GRIA4: variants seen among roughly 807,000 people sequenced by gnomAD.
The protein encoded by GRIA4 is glutamate receptor 4.
A neutral mutation model predicts 104.0 loss-of-function variants in GRIA4; 34 were observed. That is an observed-to-expected ratio of 0.33 (90% CI 0.25 to 0.44). GRIA4 has a LOEUF of 0.44. Among genes scored for constraint, GRIA4 ranks in the 20% least tolerant of loss-of-function variants. GRIA4 has a pLI of 1.00. For synonymous variants in GRIA4, 386 were observed against 381.9 expected (o/e 1.01, Z -0.13); for missense variants, 750 against 1,096.5 (o/e 0.68, Z 4.46).
intron 3 of GRIA4, among the ~76,000 whole-genome samples, chr11:105,691,280 C>G (rs767822943): frequency 5.9e-5 from 9 of 151,920 alleles, no homozygotes; most frequent in Non-Finnish European, 1.2e-4. Context: ...ATCAGAGTGA[C>G]AAGACTGAAC....
chr11:105,926,729 A>T lies in GRIA4; in HGVS notation c.1848-12A>T, dbSNP rs1947718831. 1.2e-5 allele frequency: 19 copies of T among 1,541,842 alleles called. No homozygotes were observed. Among genetic ancestry groups the T allele is most frequent in the Non-Finnish European group, 1.7e-5 (19 of 1,114,854 alleles). ...AAGAAAGGAAAATGTGCATTATTTTATCCATGTTTAGATCCCTCTCAGGTC... is the reference window on the plus strand; with the variant it reads ...AAGAAAGGAAAATGTGCATTATTTTTTCCATGTTTAGATCCCTCTCAGGTC... On this transcript the variant is annotated splice_polypyrimidine_tract_variant and intron_variant, in intron 12 of 16. Coordinates refer to ENST00000282499, the MANE Select transcript of GRIA4 (RefSeq NM_000829.4).
chr11:105,835,197 A>G (rs373302852), intron 4 of GRIA4, among the ~76,000 whole-genome samples: 16 of 152,050 alleles, frequency 1.1e-4, no homozygotes, highest in South Asian at 4.1e-4. Flanking sequence ...AACAGTAGAA[A>G]GAAAAAATTA....
At position 105,949,883 on chromosome 11, in the gene GRIA4, T is replaced by C. The variant is rs796669526; in HGVS notation, c.2294+15914T>C. 4.6e-5 allele frequency among the ~76,000 whole-genome samples: 7 copies of C among 152,196 alleles called. No individual in the cohort carries two copies. The South Asian group carries it at 1.4e-3, about 32-fold the overall frequency. On this transcript the variant is annotated intron_variant, in intron 14 of 16. Transcript: ENST00000282499. Reference sequence around the variant, plus strand: ...TGATTAAGAGACTAGACTTCTGTGTTAGACAAACCCAGCTTCCTATTTCAC... The same window carrying C: ...TGATTAAGAGACTAGACTTCTGTGTCAGACAAACCCAGCTTCCTATTTCAC...
At position 105,915,949 on chromosome 11, in the gene GRIA4, C is replaced by G. The variant is rs143676406; in HGVS notation, c.1270-2763C>G. ...CTGTAATTGCAGCACTTTTGGAGGC[C>G]GAAGCAAGTGGACCACTTGAGGCCA... On this transcript the variant is annotated intron_variant, in intron 10 of 16. Transcript: ENST00000282499. 6.1e-3 allele frequency among the ~76,000 whole-genome samples: 927 copies of G among 152,144 alleles called. 5 individuals are homozygous for G. The highest frequency in any genetic ancestry group is 0.021 in the African/African-American group (864 of 41,518).
chr11:105,936,350 C>A (rs1948034628), intron 14 of GRIA4, among the ~76,000 whole-genome samples: 2 of 152,172 alleles, frequency 1.3e-5, no homozygotes, highest in African/African-American at 4.8e-5. Context: ...TGAAACCTTT[C>A]TGTCTTATTC....
At chr11:105,928,169 C>T (rs1280283041) in intron 13 of GRIA4, among the ~76,000 whole-genome samples, 1 of 151,774 alleles carries the variant, frequency 6.6e-6, no homozygotes, top group East Asian at 1.9e-4. Context: ...TTATAGTATC[C>T]TAATATACTT....
Position 105,974,181 on chromosome 11 carries a change from C to T in GRIA4, c.2410-129C>T. 3 of 882,398 alleles carry T rather than the reference C, an allele frequency of 3.4e-6. No homozygotes were observed. In the South Asian group the frequency reaches 4.9e-5, roughly 14 times the overall value. 54.7% of individuals were successfully genotyped at this position (882,398 alleles called of 1,614,324 possible). On this transcript the variant is annotated intron_variant, in intron 15 of 16. Coordinates refer to ENST00000282499, the MANE Select transcript of GRIA4 (RefSeq NM_000829.4). ...TAAGTCCATTAGCCTACATCAGTGA[C>T]TTATACTTGTAAATCATTTCAGGTT...
At chr11:105,848,154 C>T (rs1175813363) in intron 4 of GRIA4, among the ~76,000 whole-genome samples, 1 of 152,086 alleles carries the variant, frequency 6.6e-6, no homozygotes, top group Non-Finnish European at 1.5e-5. Flanking sequence ...AGAACATTTG[C>T]TTATTATTTG....
At chr11:105,668,687 T>TTTTTG (rs1361664134) in intron 3 of GRIA4, among the ~76,000 whole-genome samples, 1 of 150,268 alleles carries the variant, frequency 6.7e-6, no homozygotes, top group African/African-American at 2.4e-5. Flanking sequence ...CTTTTTTTTT[T>TTTTTG]TTTTTGAGAT....
chr11:105,881,021 G>A (rs1946034152), intron 5 of GRIA4, among the ~76,000 whole-genome samples: 1 of 152,172 alleles, frequency 6.6e-6, no homozygotes, highest in South Asian at 2.1e-4. Flanking sequence ...CAGTTTGTTT[G>A]GGAAGTAAAG....
At chr11:105,641,544 T>A (rs1172642557) in intron 3 of GRIA4, among the ~76,000 whole-genome samples, 1 of 152,164 alleles carries the variant, frequency 6.6e-6, no homozygotes, top group African/African-American at 2.4e-5. Context: ...AATCCTTGAA[T>A]ACATCAAGAT....
At chr11:105,961,525 A>C (rs1461564215) in intron 14 of GRIA4, among the ~76,000 whole-genome samples, 1 of 152,166 alleles carries the variant, frequency 6.6e-6, no homozygotes, top group African/African-American at 2.4e-5. Flanking sequence ...TGAAGAGAGC[A>C]CTCCAGTGAA....
At chr11:105,639,080 T>C (rs1951286573) in intron 3 of GRIA4, among the ~76,000 whole-genome samples, 1 of 152,102 alleles carries the variant, frequency 6.6e-6, no homozygotes, top group South Asian at 2.1e-4. Flanking sequence ...AAGCCAAAAA[T>C]GCATCTTATT....
chr11:105,725,643 A>G (rs1477731983), intron 3 of GRIA4, among the ~76,000 whole-genome samples: 3 of 152,188 alleles, frequency 2.0e-5, no homozygotes, highest in East Asian at 1.9e-4. Flanking sequence ...TGCAGCTCCC[A>G]GTGAGACCAA....
chr11:105,945,757 A>T (rs1350109650), intron 14 of GRIA4, among the ~76,000 whole-genome samples: 2 of 152,210 alleles, frequency 1.3e-5, no homozygotes, highest in African/African-American at 4.8e-5. Flanking sequence ...ATCTTCATTA[A>T]ATATTAGTAC....
At chr11:105,629,429 G>T (rs1333174455) in intron 3 of GRIA4, among the ~76,000 whole-genome samples, 3 of 151,932 alleles carry the variant, frequency 2.0e-5, no homozygotes, top group Non-Finnish European at 2.9e-5. Flanking sequence ...ATGATTTAGA[G>T]ATTTTTAACA....
intron 3 of GRIA4, among the ~76,000 whole-genome samples, chr11:105,705,680 A>G (rs941837733): frequency 6.6e-6 from 1 of 152,182 alleles, no homozygotes; most frequent in Non-Finnish European, 1.5e-5. Flanking sequence ...ACACAATTAG[A>G]GAAATAGTAC....
chr11:105,670,714 T>C (rs1369594896), intron 3 of GRIA4, among the ~76,000 whole-genome samples: 2 of 152,116 alleles, frequency 1.3e-5, no homozygotes, highest in East Asian at 3.8e-4. Context: ...CATATCAGTA[T>C]TTGGGTTGTA....
At chr11:105,865,394 T>C (rs1203009212) in intron 5 of GRIA4, among the ~76,000 whole-genome samples, 1 of 152,190 alleles carries the variant, frequency 6.6e-6, no homozygotes, top group Non-Finnish European at 1.5e-5. Flanking sequence ...TGAAAAGAAA[T>C]CTAAAATGAG....
Sources: gnomAD v4.1 joint callset for allele counts (sites outside exome capture counted in the v4.1 genomes callset) on GRCh38, gnomAD v4.1.1 for gene constraint, MANE v1.5 for transcripts, NCBI Gene and HGNC (gene_info 2026-07-23, HGNC 2026-07-21) for gene names.